HS3ST5: variants seen among roughly 807,000 people sequenced by gnomAD.
HS3ST5 encodes heparan sulfate glucosamine 3-O-sulfotransferase 5.
HS3ST5 carries 10 observed loss-of-function variants against 25.4 expected under a neutral mutation model. That is an observed-to-expected ratio of 0.39 (90% CI 0.24 to 0.67). The LOEUF (loss-of-function observed/expected upper bound fraction) is 0.67. Ranked by LOEUF, HS3ST5 falls within the 30% of genes least tolerant of loss-of-function variation. HS3ST5 has a pLI of 0.44. For missense variants in HS3ST5, 324 were observed against 420.7 expected, an observed-to-expected ratio of 0.77 and a Z score of 2.01; for synonymous variants, 170 against 162.4, an observed-to-expected ratio of 1.05 and a Z score of -0.36.
In HS3ST5 at chr6:114,057,807, T is replaced by A; in HGVS notation, c.491A>T (p.Glu164Val). ...EKSPAYFITE[E>V]VPERIYKMNS... The stretch of plus-strand genomic sequence containing the variant: ...CATTTTGTAAATCCTTTCTGGAACC[T>A]CCTCTGTGATAAAATATGCTGGGCT... The change falls in exon 5 of 5, where the codon GAG (glutamate) becomes GTG (valine). Residue 164 changes from glutamate to valine, a missense_variant. Glu to Val is a moderately radical substitution (Grantham distance 121). This residue lies in a region of HS3ST5 where 203 missense variants were observed against 303.4 expected (regional missense o/e 0.67). Transcript: ENST00000312719. The A allele has an allele frequency of 6.2e-7, 1 of 1,614,158 alleles. No homozygotes were observed. The highest frequency in any genetic ancestry group is 8.5e-7 in the Non-Finnish European group (1 of 1,180,022).
intron 3 of HS3ST5, among the ~76,000 whole-genome samples, chr6:114,069,157 T>C (rs1164238090): frequency 6.6e-6 from 1 of 152,146 alleles, no homozygotes; most frequent in East Asian, 1.9e-4. Flanking sequence ...GCAGCAAAAT[T>C]CATTAAAAAC....
intron 3 of HS3ST5, among the ~76,000 whole-genome samples, chr6:114,097,279 G>A (rs1281328832): frequency 4.0e-5 from 6 of 151,690 alleles, no homozygotes; most frequent in Non-Finnish European, 8.8e-5. Flanking sequence ...CCAGTTAAAG[G>A]AATTCATTAA....
At chr6:114,305,931 A>T (rs1562270601) in intron 1 of HS3ST5, among the ~76,000 whole-genome samples, 1 of 152,046 alleles carries the variant, frequency 6.6e-6, no homozygotes, top group East Asian at 1.9e-4. Flanking sequence ...GGATTGACAT[A>T]ATACACTGGA....
chr6:114,167,179 T>C (rs534284819), intron 3 of HS3ST5, among the ~76,000 whole-genome samples: 1 of 152,292 alleles, frequency 6.6e-6, no homozygotes, highest in East Asian at 1.9e-4. Flanking sequence ...TTGTTATCAA[T>C]AGCAACTGGT....
intron 1 of HS3ST5, among the ~76,000 whole-genome samples, chr6:114,317,880 C>T (rs1371109257): frequency 6.6e-6 from 1 of 152,032 alleles, no homozygotes; most frequent in Admixed American, 6.5e-5. Flanking sequence ...ACTACCCCAT[C>T]ATCAAAATTA....
intron 2 of HS3ST5, among the ~76,000 whole-genome samples, chr6:114,196,722 A>G (rs543686647): frequency 7.3e-4 from 111 of 152,142 alleles, no homozygotes; most frequent in South Asian, 3.3e-3. Flanking sequence ...GAGTCACTTG[A>G]TATGGAATTT....
chr6:114,207,180 T>C (rs1781307843), intron 2 of HS3ST5, among the ~76,000 whole-genome samples: 1 of 152,184 alleles, frequency 6.6e-6, no homozygotes, highest in Non-Finnish European at 1.5e-5. Flanking sequence ...CCAGCATCAG[T>C]GGCTTTATTT....
intron 1 of HS3ST5, among the ~76,000 whole-genome samples, chr6:114,267,384 T>A (rs2114689147): frequency 6.6e-6 from 1 of 152,252 alleles, no homozygotes; most frequent in South Asian, 2.1e-4. Flanking sequence ...AATGTACAGC[T>A]AAAAATAAGA....
At chr6:114,223,793 T>A (rs529010168) in intron 2 of HS3ST5, among the ~76,000 whole-genome samples, 2 of 151,912 alleles carry the variant, frequency 1.3e-5, no homozygotes, top group East Asian at 3.9e-4. Flanking sequence ...TGAGTAGTTT[T>A]AATTATCTTT....
chr6:114,252,804 T>A (rs1437472610), intron 1 of HS3ST5, among the ~76,000 whole-genome samples: 1 of 152,228 alleles, frequency 6.6e-6, no homozygotes, highest in Non-Finnish European at 1.5e-5. Context: ...TCCTGCGTAG[T>A]CGCAATTTGG....
At chr6:114,297,859 C>T (rs1406165257) in intron 1 of HS3ST5, among the ~76,000 whole-genome samples, 1 of 152,180 alleles carries the variant, frequency 6.6e-6, no homozygotes, top group African/African-American at 2.4e-5. Context: ...TAGAATCTGA[C>T]ACATTGTTTT....
At chr6:114,177,572 T>G (rs1211711970) in intron 2 of HS3ST5, among the ~76,000 whole-genome samples, 1 of 152,240 alleles carries the variant, frequency 6.6e-6, no homozygotes, top group African/African-American at 2.4e-5. Flanking sequence ...TGGCATATTA[T>G]AGCACTCTTT....
chr6:114,087,935 T>C (rs1322468941), intron 3 of HS3ST5, among the ~76,000 whole-genome samples: 1 of 152,220 alleles, frequency 6.6e-6, no homozygotes, highest in Admixed American at 6.5e-5. Flanking sequence ...TAGAACTGCA[T>C]GGTCTAATAT....
chr6:114,272,979 C>A (rs956953011), intron 1 of HS3ST5, among the ~76,000 whole-genome samples: 1 of 152,038 alleles, frequency 6.6e-6, no homozygotes, highest in African/African-American at 2.4e-5. Context: ...AGCCAGGATT[C>A]TACTTTTACT....
chr6:114,075,415 A>T (rs934564107), intron 3 of HS3ST5, among the ~76,000 whole-genome samples: 1 of 152,206 alleles, frequency 6.6e-6, no homozygotes, highest in Non-Finnish European at 1.5e-5. Flanking sequence ...TCTTCCTTCA[A>T]CAAGACTCTT....
intron 1 of HS3ST5, among the ~76,000 whole-genome samples, chr6:114,325,606 A>G (rs1776142817): frequency 6.6e-6 from 1 of 152,178 alleles, no homozygotes; most frequent in African/African-American, 2.4e-5. Flanking sequence ...CTGCTAAACT[A>G]GTGTTTCTCC....
intron 3 of HS3ST5, chr6:114,143,804 T>G (rs532139351): frequency 1.3e-5 from 2 of 152,416 alleles, no homozygotes; most frequent in Non-Finnish European, 2.9e-5. Context: ...TAATAACTAT[T>G]GACACTCGCC....
chr6:114,278,415 A>G (rs1773960378), intron 1 of HS3ST5, among the ~76,000 whole-genome samples: 1 of 152,046 alleles, frequency 6.6e-6, no homozygotes, highest in Non-Finnish European at 1.5e-5. Flanking sequence ...GTCAAAAAGA[A>G]CAGAAAAATT....
At chr6:114,147,634 A>G (rs542434775) in intron 3 of HS3ST5, among the ~76,000 whole-genome samples, 2 of 152,222 alleles carry the variant, frequency 1.3e-5, no homozygotes, top group South Asian at 4.2e-4. Flanking sequence ...AGGCTGGAGT[A>G]CAGTGGCACA....
Sources: allele counts gnomAD v4.1 joint callset (sites outside exome capture counted in the v4.1 genomes callset), GRCh38; gene constraint gnomAD v4.1.1; regional missense constraint gnomAD v4.1.1; transcripts MANE v1.5; gene names NCBI Gene and HGNC (gene_info 2026-07-23, HGNC 2026-07-21).